Variants in RPL22 observed in about 807,000 individuals in gnomAD.
The protein encoded by RPL22 is large ribosomal subunit protein eL22.
RPL22 carries 4 observed loss-of-function variants against 16.2 expected under a neutral mutation model. The ratio of observed to expected loss-of-function variants is 0.25; its 90% CI spans 0.12 to 0.57. RPL22 has a LOEUF of 0.57. Among genes scored for constraint, RPL22 ranks in the 20% least tolerant of loss-of-function variants. RPL22 has a pLI of 0.92. For synonymous variants in RPL22, 43 were observed against 54.8 expected (o/e 0.78, Z 0.95); for missense variants, 83 against 156.1 (o/e 0.53, Z 2.49).
chr1:6,199,313 G>A lies in RPL22; in HGVS notation c.12+249C>T, dbSNP rs1667763974. The A allele has an allele frequency of 2.9e-5, 31 of 1,067,574 alleles. No individual in the cohort carries two copies. In the South Asian group the frequency reaches 8.3e-4, roughly 29 times the overall value. 66.1% of individuals were successfully genotyped at this position (1,067,574 alleles called of 1,614,324 possible). On this transcript the variant is annotated intron_variant, in intron 1 of 3. Coordinates refer to ENST00000234875, the MANE Select transcript of RPL22 (RefSeq NM_000983.4). ...CGCAGTCTCCAGGCTCCAGCTCCCCGCTAGCCCCTAGCTGGGGCCCCGGGC... is the reference window on the plus strand; with the variant it reads ...CGCAGTCTCCAGGCTCCAGCTCCCCACTAGCCCCTAGCTGGGGCCCCGGGC...
At chr1:6,190,575 TCTCC>T (rs1667637226) in intron 3 of RPL22, among the ~76,000 whole-genome samples, 1 of 152,142 alleles carries the variant, frequency 6.6e-6, no homozygotes, top group African/African-American at 2.4e-5. Flanking sequence ...AAACGGAGTT[TCTCC>T]ATGTTGGTCA....
Position 6,199,559 on chromosome 1 carries a change from A to T in RPL22, c.12+3T>A. 6.4e-7 allele frequency: 1 copy of T among 1,565,378 alleles called. No individual in the cohort carries two copies. The highest frequency in any genetic ancestry group is 1.2e-5 in the South Asian group (1 of 84,916). On this transcript the variant is annotated splice_donor_region_variant and intron_variant, in intron 1 of 3. Coordinates refer to ENST00000234875, the MANE Select transcript of RPL22 (RefSeq NM_000983.4). ...CCGAGGCCTCACGCGGAGCCATACTAACCACAGGAGCCATGGCGGCAGCGG... is the reference window on the plus strand; with the variant it reads ...CCGAGGCCTCACGCGGAGCCATACTTACCACAGGAGCCATGGCGGCAGCGG...
At position 6,185,641 on chromosome 1, in the gene RPL22, A is replaced by G. The variant is rs1667574019; in HGVS notation, c.*1031T>C. ...TAAATTCTAATGCAGACACTTTTGC[A>G]TTACTGTTTGAATTTCAGAAGGGCA... On this transcript the variant is annotated 3_prime_UTR_variant, in exon 4 of 4. Transcript: ENST00000234875. The G allele has an allele frequency of 1.2e-5, 4 of 339,674 alleles. No individual in the cohort carries two copies. The highest frequency in any genetic ancestry group is 2.1e-5 in the Non-Finnish European group (4 of 189,274). 21.0% of individuals were successfully genotyped at this position (339,674 alleles called of 1,614,324 possible). A position where few individuals can be genotyped will look rare whatever the true frequency, so the allele number is the denominator to read the frequency against.
At position 6,186,069 on chromosome 1, in the gene RPL22, A is replaced by G. The variant is rs1667578429; in HGVS notation, c.*603T>C. 4.3e-6 allele frequency: 1 copy of G among 231,578 alleles called. No homozygotes were observed. The highest frequency in any genetic ancestry group is 2.2e-5 in the African/African-American group (1 of 45,234). The allele number at this position is 231,578 out of a possible 1,614,324, so 14.3% of individuals were successfully genotyped here. ...TCTGTACACATTTAGTTAATTTAGA[A>G]CCTGGGACTTTTACAATCGATTCCC... On this transcript the variant is annotated 3_prime_UTR_variant, in exon 4 of 4. Transcript: ENST00000234875.
intron 1 of RPL22, chr1:6,199,346 A>G (rs1392542986): frequency 2.3e-6 from 3 of 1,285,332 alleles, no homozygotes; most frequent in South Asian, 2.5e-5. Flanking sequence ...GGCCTCCGAG[A>G]CCTCCCGGAT....
chr1:6,188,157 A>G (rs748931837), intron 3 of RPL22, among the ~76,000 whole-genome samples: 26 of 152,150 alleles, frequency 1.7e-4, no homozygotes, highest in Admixed American at 1.3e-4. Context: ...TCAGTCTCCC[A>G]TGTAGCTGGG....
intron 3 of RPL22, among the ~76,000 whole-genome samples, chr1:6,188,848 G>A (rs1014985358): frequency 2.7e-5 from 4 of 150,896 alleles, no homozygotes; most frequent in Non-Finnish European, 5.9e-5. Flanking sequence ...GGAATGGCAC[G>A]ATCTCCGGCT....
chr1:6,198,017 A>G (rs1437051341), intron 1 of RPL22: 2 of 487,078 alleles, frequency 4.1e-6, no homozygotes, highest in Non-Finnish European at 7.3e-6. Context: ...GACTCACTCA[A>G]ACTTTCCAGT....
chr1:6,199,493 TAGATGCCGGGCTCGGCGAG>T, intron 1 of RPL22, 50 bp downstream of exon 1: 1 of 1,540,776 alleles, frequency 6.5e-7, no homozygotes, highest in Non-Finnish European at 8.8e-7. Flanking sequence ...CGAGCCTGGG[TAGATGCCGGGCTCGGCGAG>T]GCCCACGTGC....
At chr1:6,192,510 C>G (rs1230157207) in intron 3 of RPL22, among the ~76,000 whole-genome samples, 2 of 152,128 alleles carry the variant, frequency 1.3e-5, no homozygotes, top group Admixed American at 1.3e-4. Flanking sequence ...GCAGCCTGGC[C>G]AACATGGTGA....
rs1010840154 is a variant in RPL22 at position 6,193,759 on chromosome 1, G to A, written c.118-705C>T. 5.9e-5 allele frequency among the ~76,000 whole-genome samples: 9 copies of A among 152,032 alleles called. 1 individual carries two copies. The South Asian group carries it at 6.2e-4, about 11-fold the overall frequency. ...AGCCAGCATACCTGGCCCTAATATC[G>A]GTTTCTTAAATGTTCAGTCTTTTTT... On this transcript the variant is annotated intron_variant, in intron 2 of 3. Transcript: ENST00000234875.
intron 2 of RPL22, among the ~76,000 whole-genome samples, chr1:6,195,023 G>C (rs1159749546): frequency 6.6e-6 from 1 of 151,688 alleles, no homozygotes; most frequent in African/African-American, 2.4e-5. Context: ...CTGTTTCCCA[G>C]CTACTTGGGA....
chr1:6,190,420 G>C (rs926871166), intron 3 of RPL22, among the ~76,000 whole-genome samples: 6 of 152,048 alleles, frequency 3.9e-5, no homozygotes, highest in African/African-American at 1.2e-4. Context: ...CGCTCTTGTT[G>C]CCCAGGCTGG....
In RPL22 at chr1:6,185,424, CAG is replaced by C. The variant is rs1667571841; in HGVS notation, c.*1246_*1247del. 1 of 398,814 alleles carries C rather than the reference CAG, an allele frequency of 2.5e-6. No individual in the cohort carries two copies. The highest frequency in any genetic ancestry group is 1.3e-4 in the South Asian group (1 of 7,846). 24.7% of individuals were successfully genotyped at this position (398,814 alleles called of 1,614,324 possible). On this transcript the variant is annotated 3_prime_UTR_variant, in exon 4 of 4. Coordinates refer to ENST00000234875, the MANE Select transcript of RPL22 (RefSeq NM_000983.4). ...AATTTGCATAGAAATGGAAAAATGCCAGAGCCTTTAACACAAGTGAAATTGCA... is the reference window on the plus strand; with the variant it reads ...AATTTGCATAGAAATGGAAAAATGCCAGCCTTTAACACAAGTGAAATTGCA...
rs189584171 is a variant in RPL22 at position 6,186,930 on chromosome 1, A to C, written c.243-114T>G. ...TCATTACAATTCAAGGTGTTTTCCC[A>C]AGCCTCAAAAATGGCAAAGGTAAGG... On this transcript the variant is annotated intron_variant, in intron 3 of 3. Coordinates refer to ENST00000234875, the MANE Select transcript of RPL22 (RefSeq NM_000983.4). The C allele has an allele frequency of 8.0e-5, 120 of 1,506,110 alleles. 1 individual carries two copies. In the East Asian group the frequency reaches 2.7e-3, roughly 34 times the overall value. The allele number at this position is 1,506,110 out of a possible 1,614,324, so 93.3% of individuals were successfully genotyped here. A position where few individuals can be genotyped will look rare whatever the true frequency, so the allele number is the denominator to read the frequency against.
chr1:6,191,484 G>A (rs1246115375), intron 3 of RPL22, among the ~76,000 whole-genome samples: 3 of 149,502 alleles, frequency 2.0e-5, no homozygotes, highest in Admixed American at 6.7e-5. Context: ...TGGCTAACAC[G>A]GTGAAACCCC....
intron 1 of RPL22, chr1:6,199,354 G>T: frequency 7.7e-7 from 1 of 1,305,910 alleles, no homozygotes; most frequent in South Asian, 2.3e-5. Flanking sequence ...AGACCTCCCG[G>T]ATCTCCCTCA....
At chr1:6,189,695 G>A (rs1667625861) in intron 3 of RPL22, among the ~76,000 whole-genome samples, 1 of 151,574 alleles carries the variant, frequency 6.6e-6, no homozygotes. Context: ...CGAGGCGGGT[G>A]GATCACCTGA....
chr1:6,197,581 C>T, intron 2 of RPL22, 71 bp downstream of exon 2: 2 of 970,880 alleles, frequency 2.1e-6, no homozygotes, highest in South Asian at 2.7e-5. Context: ...AGAAATGTAC[C>T]CCAGTAGGTT....
Sources: allele counts gnomAD v4.1 joint callset (sites outside exome capture counted in the v4.1 genomes callset), GRCh38; gene constraint gnomAD v4.1.1; transcripts MANE v1.5; gene names NCBI Gene and HGNC (gene_info 2026-07-23, HGNC 2026-07-21).